The following GRIP1 variants were observed in gnomAD, a reference collection of about 807,000 sequenced individuals.
GRIP1 encodes glutamate receptor-interacting protein 1.
GRIP1 carries 45 observed loss-of-function variants against 129.9 expected under a neutral mutation model. That is an observed-to-expected ratio of 0.35 (90% CI 0.27 to 0.44). GRIP1 has a LOEUF of 0.44. Ranked by LOEUF, GRIP1 falls within the 20% of genes least tolerant of loss-of-function variation. The pLI is 1.00. For missense variants in GRIP1, 1,196 were observed against 1,396.8 expected, an observed-to-expected ratio of 0.86 and a Z score of 2.29; for synonymous variants, 530 against 520.8, an observed-to-expected ratio of 1.02 and a Z score of -0.24.
chr12:66,947,995 C>T (rs554355726), intron 1 of GRIP1, among the ~76,000 whole-genome samples: 64 of 152,292 alleles, frequency 4.2e-4, no homozygotes, highest in South Asian at 8.3e-4. Flanking sequence ...CAGGACCTCG[C>T]TGCTTATCAG....
intron 19 of GRIP1, among the ~76,000 whole-genome samples, chr12:66,387,788 A>C (rs1012471795): frequency 6.6e-6 from 1 of 152,078 alleles, no homozygotes; most frequent in Non-Finnish European, 1.5e-5. Context: ...AGAGAAACGA[A>C]AGAGAAAAAT....
At chr12:66,807,805 G>A (rs2039024554), upstream of GRIP1, among the ~76,000 whole-genome samples, 3 of 151,942 alleles carry the variant, frequency 2.0e-5, no homozygotes, top group African/African-American at 7.3e-5. Flanking sequence ...TTTACAGCCT[G>A]TAGAACTATG....
Position 66,879,202 on chromosome 12 carries a change from G to T in GRIP1, c.58+189848C>A, listed in dbSNP as rs571802889. Among the ~76,000 whole-genome samples the T allele has an allele frequency of 2.6e-5, 4 of 151,958 alleles. No homozygotes were observed. In the South Asian group the frequency reaches 8.3e-4, roughly 32 times the overall value. On this transcript the variant is annotated intron_variant, in intron 1 of 1. Coordinates refer to the GRIP1 transcript ENST00000643019. ...TTGTTATTTTTGTTCTTAAACTGGG[G>T]CTGCACTCATAGGTGTTTGCTGTGT...
chr12:66,787,583 T>G (rs2038393371), intron 1 of GRIP1, among the ~76,000 whole-genome samples: 1 of 152,088 alleles, frequency 6.6e-6, no homozygotes, highest in Non-Finnish European at 1.5e-5. Context: ...CACAGCTTCA[T>G]GGATGGGATC....
intron 1 of GRIP1, among the ~76,000 whole-genome samples, chr12:67,025,164 C>A (rs2042923267): frequency 6.6e-6 from 1 of 152,132 alleles, no homozygotes. Flanking sequence ...CATGGTGAAA[C>A]CTCGTCTCTA....
At chr12:66,411,471 C>T (rs1438986085) in intron 15 of GRIP1, among the ~76,000 whole-genome samples, 2 of 152,222 alleles carry the variant, frequency 1.3e-5, no homozygotes, top group East Asian at 1.9e-4. Context: ...AAACTCCATT[C>T]ACAGATCAGC....
At chr12:66,698,529 T>G (rs572556190) in intron 1 of GRIP1, among the ~76,000 whole-genome samples, 1 of 152,292 alleles carries the variant, frequency 6.6e-6, no homozygotes, top group South Asian at 2.1e-4. Flanking sequence ...TTTCAACTAT[T>G]TCCTATTTGT....
At chr12:66,389,806 C>CT (rs1465421408) in intron 19 of GRIP1, among the ~76,000 whole-genome samples, 1 of 152,090 alleles carries the variant, frequency 6.6e-6, no homozygotes, top group Non-Finnish European at 1.5e-5. Flanking sequence ...GAATGTTACA[C>CT]TTTAACGGGT....
chr12:66,705,217 T>C (rs1236429308), intron 1 of GRIP1, among the ~76,000 whole-genome samples: 2 of 152,074 alleles, frequency 1.3e-5, no homozygotes, highest in Admixed American at 6.6e-5. Flanking sequence ...CAGCATCCTT[T>C]CATACAGTTC....
chr12:66,377,259 T>C lies in GRIP1; in HGVS notation c.2648A>G (p.Glu883Gly). Reference protein sequence around the residue: ...SGFAGAADSAETEQEENFWSQ... With the variant: ...SGFAGAADSAGTEQEENFWSQ... ...CCAGAAGTTCTCCTCTTGTTCTGTC[T>C]CTGCACTATCGGCAGCCCCTGCAAA... The change falls in exon 21 of 25, where the codon GAG becomes GGG. Residue 883 changes from glutamate to glycine, a missense_variant. Coordinates refer to ENST00000359742, the MANE Select transcript of GRIP1 (RefSeq NM_001366722.1). 1 of 1,613,266 alleles carries C rather than the reference T, an allele frequency of 6.2e-7. No homozygotes were observed.
intron 1 of GRIP1, among the ~76,000 whole-genome samples, chr12:66,684,661 A>G (rs1040480349): frequency 1.3e-5 from 2 of 152,158 alleles, no homozygotes; most frequent in East Asian, 1.9e-4. Flanking sequence ...TCTGGCCAAC[A>G]TGGTGAAACC....
At position 67,021,200 on chromosome 12, in the gene GRIP1, T is replaced by C. The variant is rs559253666; in HGVS notation, c.58+47850A>G. Reference sequence around the variant, plus strand: ...AATCAAGATGGAATTGGATATCCAATATGTAAAATATGTGCTTCATCACTC... The same window carrying C: ...AATCAAGATGGAATTGGATATCCAACATGTAAAATATGTGCTTCATCACTC... On this transcript the variant is annotated intron_variant, in intron 1 of 1. Coordinates refer to the GRIP1 transcript ENST00000643019. Among the ~76,000 whole-genome samples the C allele has an allele frequency of 8.7e-4, 132 of 152,304 alleles. 3 individuals carry two copies. The highest frequency in any genetic ancestry group is 3.4e-4 in the Non-Finnish European group (23 of 68,020).
At chr12:66,447,012 TC>T (rs937296342) in intron 11 of GRIP1, among the ~76,000 whole-genome samples, 1 of 152,234 alleles carries the variant, frequency 6.6e-6, no homozygotes, top group Non-Finnish European at 1.5e-5. Context: ...AACAGATTTT[TC>T]CCCCTTAAAA....
chr12:66,997,451 G>T (rs1053763377), intron 1 of GRIP1, among the ~76,000 whole-genome samples: 6 of 152,060 alleles, frequency 3.9e-5, no homozygotes, highest in African/African-American at 1.4e-4. Flanking sequence ...AATAAGAAAA[G>T]TAGGTAGTAA....
intron 1 of GRIP1, 111 bp from the exon 2 acceptor site, chr12:66,597,038 G>C (rs1289748304): frequency 1.2e-6 from 1 of 801,062 alleles, no homozygotes; most frequent in African/African-American, 1.7e-5. Context: ...CAGTACAGTG[G>C]AAAGTGTCGG....
intron 19 of GRIP1, among the ~76,000 whole-genome samples, chr12:66,389,907 C>A (rs1184917998): frequency 6.6e-6 from 1 of 152,202 alleles, no homozygotes; most frequent in Non-Finnish European, 1.5e-5. Context: ...GTTAAAGGAA[C>A]TGGGGCTATT....
chr12:66,690,726 CA>C (rs1274807352), intron 1 of GRIP1, among the ~76,000 whole-genome samples: 5 of 146,906 alleles, frequency 3.4e-5, no homozygotes, highest in African/African-American at 5.0e-5. Flanking sequence ...AAAATTTTTT[CA>C]AAAAATTTTT....
chr12:66,705,152 G>A (rs2035483273), intron 1 of GRIP1, among the ~76,000 whole-genome samples: 1 of 151,992 alleles, frequency 6.6e-6, no homozygotes, highest in African/African-American at 2.4e-5. Context: ...AAGATTCCAT[G>A]ACAATTTTAT....
At chr12:66,849,993 C>T (rs1260157834) in intron 1 of GRIP1, among the ~76,000 whole-genome samples, 1 of 152,110 alleles carries the variant, frequency 6.6e-6, no homozygotes, top group East Asian at 1.9e-4. Flanking sequence ...TCCTCATCTA[C>T]AAAATGAAGG....
Sources: allele counts gnomAD v4.1 joint callset (sites outside exome capture counted in the v4.1 genomes callset), GRCh38; gene constraint gnomAD v4.1.1; transcripts MANE v1.5; gene names NCBI Gene and HGNC (gene_info 2026-07-23, HGNC 2026-07-21).